RGS7BP: variants seen among roughly 807,000 people sequenced by gnomAD.
RGS7BP encodes regulator of G protein signaling 7 binding protein.
A neutral mutation model predicts 31.3 loss-of-function variants in RGS7BP; 9 were observed. The observed-to-expected ratio is 0.29, with a 90% CI of 0.17 to 0.50. The LOEUF is 0.50. Among genes scored for constraint, RGS7BP ranks in the 20% least tolerant of loss-of-function variants. The pLI is 0.98. For synonymous variants in RGS7BP, 115 were observed against 120.1 expected (o/e 0.96, Z 0.28); for missense variants, 274 against 322.0 (o/e 0.85, Z 1.14).
intron 2 of RGS7BP, among the ~76,000 whole-genome samples, chr5:64,548,298 AG>A (rs1231997017): frequency 1.3e-5 from 2 of 152,186 alleles, no homozygotes; most frequent in African/African-American, 2.4e-5. Context: ...GAAGTATTAA[AG>A]TACTAGAAAA....
chr5:64,609,875 A>G lies in RGS7BP; in HGVS notation c.*623A>G, dbSNP rs548645522. 6 of 152,616 alleles carry G rather than the reference A, an allele frequency of 3.9e-5. No individual in the cohort carries two copies. In the South Asian group the frequency reaches 1.2e-3, roughly 32 times the overall value. The allele number at this position is 152,616 out of a possible 1,614,324, so 9.5% of individuals were successfully genotyped here. On this transcript the variant is annotated 3_prime_UTR_variant, in exon 6 of 6. Coordinates refer to ENST00000334025, the MANE Select transcript of RGS7BP (RefSeq NM_001029875.3). ...ATAAAGCAACAAAAACCACATATGA[A>G]AAGTACTAAAATTTTGTAAATACAC...
chr5:64,553,461 C>G (rs1490771542), intron 2 of RGS7BP, among the ~76,000 whole-genome samples: 1 of 152,084 alleles, frequency 6.6e-6, no homozygotes, highest in Non-Finnish European at 1.5e-5. Context: ...CGTGAGACAC[C>G]ATGCCCAGCC....
chr5:64,550,658 C>A (rs1294446511), intron 2 of RGS7BP, among the ~76,000 whole-genome samples: 3 of 151,404 alleles, frequency 2.0e-5, no homozygotes, highest in Admixed American at 6.6e-5. Flanking sequence ...TATACATGTG[C>A]TATGTTGGTG....
Position 64,506,551 on chromosome 5 carries a change from G to A in RGS7BP, c.-74G>A, listed in dbSNP as rs1748683498. 7.1e-7 allele frequency: 1 copy of A among 1,400,176 alleles called. No homozygotes were observed. The highest frequency in any genetic ancestry group is 2.4e-5 in the East Asian group (1 of 42,326). 86.7% of individuals were successfully genotyped at this position (1,400,176 alleles called of 1,614,324 possible). Reference sequence around the variant, plus strand: ...CGGGCTCCGGCTGCTTGGCGGCGGCGCCCAGGGCAACAACCGGGCCGCCCG... The same window carrying A: ...CGGGCTCCGGCTGCTTGGCGGCGGCACCCAGGGCAACAACCGGGCCGCCCG... On this transcript the variant is annotated 5_prime_UTR_variant, in exon 1 of 6. Transcript: ENST00000334025. This position sits in a 1 kb window ranked among gnomAD's most constrained non-coding sequence, Gnocchi z 4.6.
At chr5:64,604,173 T>C (rs1561351855) in intron 5 of RGS7BP, among the ~76,000 whole-genome samples, 1 of 152,120 alleles carries the variant, frequency 6.6e-6, no homozygotes, top group Non-Finnish European at 1.5e-5. Context: ...TGATCACTTC[T>C]CTTTATTCAC....
At chr5:64,544,606 C>T (rs1480342760) in intron 2 of RGS7BP, among the ~76,000 whole-genome samples, 1 of 151,318 alleles carries the variant, frequency 6.6e-6, no homozygotes, top group Non-Finnish European at 1.5e-5. Context: ...CCCAGGAGTT[C>T]AAGGTTGCAG....
In RGS7BP at chr5:64,594,921, C is replaced by T. The variant is rs1367809666; in HGVS notation, c.611+64C>T. ...CTCCCGTTAATGTTCTTAGGGGCCA[C>T]AGAGAGACGAGGTTTTCTAGTTCAG... is the stretch of plus-strand genomic sequence containing the variant. On this transcript the variant is annotated intron_variant, in intron 4 of 5. Transcript: ENST00000334025. The T allele has an allele frequency of 2.0e-6, 3 of 1,520,662 alleles. No individual in the cohort carries two copies. The African/African-American group carries it at 4.1e-5, about 21-fold the overall frequency. 94.2% of individuals were successfully genotyped at this position (1,520,662 alleles called of 1,614,324 possible). A position where few individuals can be genotyped will look rare whatever the true frequency, so the allele number is the denominator to read the frequency against.
chr5:64,598,721 A>G (rs921396714), intron 5 of RGS7BP, among the ~76,000 whole-genome samples: 2 of 152,222 alleles, frequency 1.3e-5, no homozygotes, highest in Non-Finnish European at 2.9e-5. Context: ...AAGAGACTTA[A>G]GAACACCTAC....
At chr5:64,594,654 C>A (rs1743013992) in intron 3 of RGS7BP, 56 bp from the exon 4 acceptor site, 2 of 1,578,668 alleles carry the variant, frequency 1.3e-6, no homozygotes, top group Non-Finnish European at 1.7e-6. Flanking sequence ...GCATATAGAA[C>A]CTGCCTTTAT....
chr5:64,607,784 T>C (rs1743402313), intron 5 of RGS7BP, among the ~76,000 whole-genome samples: 1 of 151,968 alleles, frequency 6.6e-6, no homozygotes, highest in African/African-American at 2.4e-5. Context: ...AATGTTCAAC[T>C]GCCTCTTCCC....
At chr5:64,605,075 C>T (rs995885475) in intron 5 of RGS7BP, among the ~76,000 whole-genome samples, 1 of 151,948 alleles carries the variant, frequency 6.6e-6, no homozygotes. Context: ...TTTGAACTTA[C>T]TGGTGTCCAA....
At position 64,611,844 on chromosome 5, in the gene RGS7BP, T is replaced by A. The variant is rs1743512458; in HGVS notation, c.*2592T>A. The A allele has an allele frequency of 6.6e-6, 1 of 151,942 alleles. No individual in the cohort carries two copies. The allele number at this position is 151,942 out of a possible 1,614,324, so 9.4% of individuals were successfully genotyped here. ...TCCCTTAGGAGCTGCCCCACTCTCC[T>A]CTCACCTACCAAAGGATTTTCTCAG... On this transcript the variant is annotated 3_prime_UTR_variant, in exon 6 of 6. Coordinates refer to ENST00000334025, the MANE Select transcript of RGS7BP (RefSeq NM_001029875.3).
intron 3 of RGS7BP, among the ~76,000 whole-genome samples, chr5:64,590,227 A>T (rs1742875429): frequency 6.6e-6 from 1 of 152,014 alleles, no homozygotes; most frequent in Non-Finnish European, 1.5e-5. Flanking sequence ...AAGTGTGAGC[A>T]CCAAGAGGGA....
chr5:64,597,720 G>A (rs1248437343), intron 4 of RGS7BP, among the ~76,000 whole-genome samples: 1 of 151,838 alleles, frequency 6.6e-6, no homozygotes, highest in African/African-American at 2.4e-5. Flanking sequence ...GACATGGGGT[G>A]TGGAATGATA....
chr5:64,536,573 A>G (rs1306822745), intron 2 of RGS7BP, among the ~76,000 whole-genome samples: 2 of 152,248 alleles, frequency 1.3e-5, no homozygotes, highest in Non-Finnish European at 2.9e-5. Context: ...AACAAAATGT[A>G]TCAATAACAT....
chr5:64,606,031 T>G (rs1458301717), intron 5 of RGS7BP, among the ~76,000 whole-genome samples: 3 of 138,708 alleles, frequency 2.2e-5, no homozygotes, highest in Non-Finnish European at 4.7e-5. Context: ...CATATATATA[T>G]ATATATATAG....
intron 2 of RGS7BP, chr5:64,539,364 T>A (rs1047084391): frequency 5.9e-5 from 9 of 152,246 alleles, no homozygotes; most frequent in Non-Finnish European, 1.3e-4. Context: ...AGCAAATTTT[T>A]AAAAATTTTG....
rs1190607717 is a variant in RGS7BP, at chr5:64,611,422, C to T, written c.*2170C>T. ...ACCTAAATAACTTCTGCTTGGTTAA[C>T]TTGTGTTCATTCTCACCTTAGCCTC... On this transcript the variant is annotated 3_prime_UTR_variant, in exon 6 of 6. Coordinates refer to ENST00000334025, the MANE Select transcript of RGS7BP (RefSeq NM_001029875.3). 1.3e-5 allele frequency: 2 copies of T among 152,208 alleles called. No homozygotes were observed. Among genetic ancestry groups the T allele is most frequent in the South Asian group, 4.2e-4 (2 of 4,818 alleles). 9.4% of individuals were successfully genotyped at this position (152,208 alleles called of 1,614,324 possible).
chr5:64,602,986 A>G (rs1045225263), intron 5 of RGS7BP, among the ~76,000 whole-genome samples: 1 of 152,156 alleles, frequency 6.6e-6, no homozygotes, highest in Non-Finnish European at 1.5e-5. Context: ...ATGAAATAGG[A>G]GGGGATTTTG....
Sources: allele counts gnomAD v4.1 joint callset (sites outside exome capture counted in the v4.1 genomes callset), GRCh38; gene constraint gnomAD v4.1.1; non-coding constraint Gnocchi (gnomAD v3.1); transcripts MANE v1.5; gene names NCBI Gene and HGNC (gene_info 2026-07-23, HGNC 2026-07-21).